Variants in KANK1 observed in about 807,000 individuals in gnomAD.
The protein encoded by KANK1 is KN motif and ankyrin repeat domains 1, also known as KN motif and ankyrin repeat domain-containing protein 1.
A neutral mutation model predicts 106.2 loss-of-function variants in KANK1; 109 were observed. The ratio of observed to expected loss-of-function variants is 1.03; its 90% CI spans 0.88 to 1.20. The LOEUF is 1.20. KANK1 is among the 50% of genes most tolerant of loss of function. KANK1 has a pLI of 0.00. For synonymous variants in KANK1, 873 were observed against 652.2 expected (o/e 1.34, Z -5.16); for missense variants, 2,399 against 1,710.7 (o/e 1.40, Z -7.10).
intron 2 of KANK1, among the ~76,000 whole-genome samples, chr9:695,664 A>G (rs945636606): frequency 1.3e-5 from 2 of 152,076 alleles, no homozygotes; most frequent in African/African-American, 4.8e-5. Flanking sequence ...CTGGGGGGCC[A>G]GGGTTGTGTT....
At chr9:665,931 A>G (rs1478471155) in intron 1 of KANK1, among the ~76,000 whole-genome samples, 3 of 152,176 alleles carry the variant, frequency 2.0e-5, no homozygotes, top group Non-Finnish European at 4.4e-5. Context: ...TGCAATCCCA[A>G]CACTTCGAGA....
intron 1 of KANK1, among the ~76,000 whole-genome samples, chr9:531,320 A>T (rs182358764): frequency 7.2e-5 from 11 of 152,260 alleles, no homozygotes; most frequent in Non-Finnish European, 1.6e-4. Context: ...AGTCCCAGCT[A>T]CTGAGGAGAC....
chr9:738,894 C>A (rs987944042), intron 8 of KANK1, among the ~76,000 whole-genome samples: 1 of 152,282 alleles, frequency 6.6e-6, no homozygotes, highest in Admixed American at 6.5e-5. Flanking sequence ...AGCCTTGGTG[C>A]GTGTGGACCA....
intron 1 of KANK1, among the ~76,000 whole-genome samples, chr9:562,775 T>G (rs1019969125): frequency 2.6e-5 from 4 of 152,226 alleles, no homozygotes; most frequent in East Asian, 1.9e-4. Context: ...TTCTAATGGA[T>G]GAAAGAGCTA....
At chr9:568,914 T>C (rs1818488430) in intron 1 of KANK1, among the ~76,000 whole-genome samples, 1 of 152,214 alleles carries the variant, frequency 6.6e-6, no homozygotes, top group African/African-American at 2.4e-5. Flanking sequence ...AATTTATATC[T>C]TTTAAAAATG....
intron 10 of KANK1, 33 bp from the exon 11 acceptor site, chr9:744,458 C>G (rs139406865): frequency 6.9e-6 from 11 of 1,598,024 alleles, no homozygotes; most frequent in African/African-American, 1.3e-5. Flanking sequence ...TTGAGAAACC[C>G]AACATGGCTT....
intron 1 of KANK1, among the ~76,000 whole-genome samples, chr9:574,401 C>G (rs1475709200): frequency 7.3e-6 from 1 of 137,662 alleles, no homozygotes; most frequent in Non-Finnish European, 1.5e-5. Context: ...GCTTTTCCAC[C>G]TTAAATTGAA....
intron 1 of KANK1, among the ~76,000 whole-genome samples, chr9:613,113 A>T (rs1830961334): frequency 6.6e-6 from 1 of 152,072 alleles, no homozygotes; most frequent in African/African-American, 2.4e-5. Context: ...CATGTACTGT[A>T]AAAGATCTTG....
At chr9:496,390 C>T (rs2058459535) in intron 3 of KANK1, among the ~76,000 whole-genome samples, 1 of 152,070 alleles carries the variant, frequency 6.6e-6, no homozygotes, top group Non-Finnish European at 1.5e-5. Flanking sequence ...CCCATCCCTA[C>T]TAAAAATACA....
At chr9:503,085 T>C (rs950894269), upstream of KANK1, among the ~76,000 whole-genome samples, 14 of 147,918 alleles carry the variant, frequency 9.5e-5, no homozygotes, top group African/African-American at 3.2e-4. Context: ...CTGATCTACC[T>C]GTCTCGGCCT....
chr9:538,314 C>T (rs2060411340), intron 1 of KANK1, among the ~76,000 whole-genome samples: 1 of 152,140 alleles, frequency 6.6e-6, no homozygotes, highest in Non-Finnish European at 1.5e-5. Context: ...GTGTGCAAGG[C>T]CCTCTATCTC....
chr9:559,840 G>C (rs546073298), intron 1 of KANK1, among the ~76,000 whole-genome samples: 4 of 152,142 alleles, frequency 2.6e-5, no homozygotes, highest in Non-Finnish European at 5.9e-5. Context: ...TCTTATCTTT[G>C]TTATGCCCCT....
intron 2 of KANK1, among the ~76,000 whole-genome samples, chr9:685,984 C>T (rs1818460841): frequency 6.6e-6 from 1 of 152,132 alleles, no homozygotes; most frequent in Non-Finnish European, 1.5e-5. Flanking sequence ...TGAAGTGTTT[C>T]TGTACAGCAG....
chr9:725,760 C>G (rs957800418), intron 3 of KANK1, among the ~76,000 whole-genome samples: 4 of 152,114 alleles, frequency 2.6e-5, no homozygotes, highest in Admixed American at 2.6e-4. Flanking sequence ...AAGAATAGAA[C>G]TCAGAGCAGT....
Position 730,119 on chromosome 9 carries a change from T to C in KANK1, c.2767T>C (p.Ser923Pro), listed in dbSNP as rs199939781. The C allele has an allele frequency of 1.2e-6, 2 of 1,614,140 alleles. No individual in the cohort carries two copies. The highest frequency in any genetic ancestry group is 4.5e-5 in the East Asian group (2 of 44,876). Residue 923 changes from serine (S) to proline (P), a missense_variant, in exon 4 of 12, where the codon TCC becomes CCC. Transcript: ENST00000382297. ...AGGAAGTCCCTTAAGCTCCCAGACA[T>C]CCCAGCCTGAGCAAGAAGTGGGGAC... ...QSGSPLSSQT[S>P]QPEQEVGTSE... is the part of the protein sequence containing the mutation.
chr9:603,926 T>A lies in KANK1; in HGVS notation c.-83-72964T>A, dbSNP rs181866979. Among the ~76,000 whole-genome samples, 18 of 143,782 alleles carry A rather than the reference T, an allele frequency of 1.3e-4. 1 individual carries two copies. Among genetic ancestry groups the A allele is most frequent in the Admixed American group, 1.1e-3 (15 of 14,030 alleles). 94.3% of individuals were successfully genotyped at this position (143,782 alleles called of 152,430 possible). On this transcript the variant is annotated intron_variant, in intron 1 of 11. Transcript: ENST00000382297. ...GTGAGCCAAGATCACGTCACTGTAT[T>A]CCAGCTTGGGTGACAGAGCAAGACT...
chr9:581,304 C>T (rs1301525982), intron 1 of KANK1, among the ~76,000 whole-genome samples: 4 of 152,240 alleles, frequency 2.6e-5, no homozygotes, highest in Non-Finnish European at 5.9e-5. Flanking sequence ...AGCACGTTGT[C>T]ACCTCTCAAT....
At position 740,829 on chromosome 9, in the gene KANK1, C is replaced by T. The variant is rs558609690; in HGVS notation, c.3591C>T (p.Tyr1197=). The T allele has an allele frequency of 3.1e-6, 5 of 1,613,074 alleles. No individual in the cohort carries two copies. Among genetic ancestry groups the T allele is most frequent in the Non-Finnish European group, 4.2e-6 (5 of 1,179,740 alleles). ...TGGATCACCAGAACAAGGCAGGCTA[C>T]ACCCCCATCATGTTGGCGGCCCTCG... ...CNVDHQNKAG[Y]TPIMLAALAA... is the part of the protein sequence containing the mutation. Residue 1197 remains tyrosine, a synonymous_variant, in exon 9 of 12, where the codon TAC becomes TAT. Transcript: ENST00000382297.
chr9:596,428 C>G (rs1304789625), intron 1 of KANK1, among the ~76,000 whole-genome samples: 1 of 151,822 alleles, frequency 6.6e-6, no homozygotes, highest in Non-Finnish European at 1.5e-5. Flanking sequence ...GCAACCAAGG[C>G]TGGCTGTCCT....
Sources: allele counts gnomAD v4.1 joint callset (sites outside exome capture counted in the v4.1 genomes callset), GRCh38; gene constraint gnomAD v4.1.1; transcripts MANE v1.5; gene names NCBI Gene and HGNC (gene_info 2026-07-23, HGNC 2026-07-21).